The following VASH2 variants were observed in gnomAD, a reference collection of about 807,000 sequenced individuals.
VASH2 encodes the protein vasohibin 2.
A neutral mutation model predicts 37.2 loss-of-function variants in VASH2; 28 were observed. That is an observed-to-expected ratio of 0.75 (90% confidence interval 0.56 to 1.03). VASH2 has a LOEUF of 1.03. Among genes scored for constraint, VASH2 ranks in the 50% least tolerant of loss-of-function variants. The probability of loss-of-function intolerance (pLI) is 0.00; values close to 1 mark genes in which losing one functional copy is unlikely to be tolerated. For synonymous variants in VASH2, 188 were observed against 174.7 expected (o/e 1.08, Z -0.60); for missense variants, 419 against 459.1 (o/e 0.91, Z 0.80).
chr1:212,961,383 G>A, intron 3 of VASH2, 129 bp downstream of exon 3: 1 of 1,539,844 alleles, frequency 6.5e-7, no homozygotes, highest in Admixed American at 1.9e-5. Flanking sequence ...AGGCATGGAG[G>A]GATGTCCCGG....
chr1:212,987,849 C>T (rs1169864384), intron 7 of VASH2, among the ~76,000 whole-genome samples: 1 of 152,162 alleles, frequency 6.6e-6, no homozygotes, highest in Admixed American at 6.5e-5. Flanking sequence ...AGATGATGTG[C>T]TATTGATGTG....
At chr1:212,957,703 C>T (rs150004874) in intron 2 of VASH2, among the ~76,000 whole-genome samples, 7 of 151,294 alleles carry the variant, frequency 4.6e-5, no homozygotes, top group Non-Finnish European at 7.4e-5. Flanking sequence ...CTCCGCCTCT[C>T]AGGTTTAAGC....
chr1:212,987,868 A>G (rs924401827), intron 7 of VASH2, among the ~76,000 whole-genome samples: 7 of 152,198 alleles, frequency 4.6e-5, no homozygotes, highest in African/African-American at 1.7e-4. Context: ...TGAATGTTGT[A>G]TTTCCCAGCT....
chr1:212,966,871 G>A, intron 5 of VASH2: 1 of 359,406 alleles, frequency 2.8e-6, no homozygotes, highest in South Asian at 2.1e-5. Flanking sequence ...GGGATTACAG[G>A]CGCAGGCCAC....
chr1:212,972,964 G>T lies in VASH2; in HGVS notation c.879+3G>T, dbSNP rs1242347731. 12 of 1,608,774 alleles carry T rather than the reference G, an allele frequency of 7.5e-6. No individual in the cohort carries two copies. Among genetic ancestry groups the T allele is most frequent in the Non-Finnish European group, 9.3e-6 (11 of 1,179,904 alleles). Reference sequence around the variant, plus strand: ...ATGCCAGGGACATGAGAATGAAGGTGGGTGCTGGGAAGACAAGGAAGCCAT... The same window carrying T: ...ATGCCAGGGACATGAGAATGAAGGTTGGTGCTGGGAAGACAAGGAAGCCAT... On this transcript the variant is annotated splice_donor_region_variant and intron_variant, in intron 6 of 7. Transcript: ENST00000517399.
intron 2 of VASH2, among the ~76,000 whole-genome samples, chr1:212,952,145 C>A (rs754272371): frequency 1.3e-5 from 2 of 152,184 alleles, no homozygotes; most frequent in Non-Finnish European, 2.9e-5. Flanking sequence ...CTAGAGCCAC[C>A]AGGTACCAGC....
chr1:212,979,677 G>C (rs941835117), intron 7 of VASH2, among the ~76,000 whole-genome samples: 2 of 152,196 alleles, frequency 1.3e-5, no homozygotes, highest in African/African-American at 4.8e-5. Flanking sequence ...CCGAGGGGGA[G>C]GGCAGGTGAA....
At chr1:212,985,227 G>A (rs1197960036) in intron 7 of VASH2, among the ~76,000 whole-genome samples, 27 of 119,178 alleles carry the variant, frequency 2.3e-4, no homozygotes, top group Non-Finnish European at 4.3e-4. Flanking sequence ...TTTTTGTAGA[G>A]ATGGGGTTTC....
At chr1:212,983,294 A>G (rs536259932) in intron 7 of VASH2, among the ~76,000 whole-genome samples, 12 of 152,310 alleles carry the variant, frequency 7.9e-5, no homozygotes, top group Non-Finnish European at 1.6e-4. Context: ...TTTATAATGA[A>G]CAGGAAATGT....
intron 5 of VASH2, chr1:212,968,959 T>G (rs1165111922): frequency 1.4e-5 from 14 of 985,280 alleles, no homozygotes; most frequent in Non-Finnish European, 1.7e-5. Flanking sequence ...TTTTATACAT[T>G]TGCGCATCAT....
At chr1:212,958,192 G>A (rs1390246641) in intron 2 of VASH2, among the ~76,000 whole-genome samples, 3 of 152,146 alleles carry the variant, frequency 2.0e-5, no homozygotes, top group South Asian at 2.1e-4. Flanking sequence ...AGCCCGAGGC[G>A]CTGGTTGGAA....
At chr1:212,974,416 A>T (rs1455466612) in intron 7 of VASH2, among the ~76,000 whole-genome samples, 1 of 152,148 alleles carries the variant, frequency 6.6e-6, no homozygotes, top group Non-Finnish European at 1.5e-5. Context: ...TGTCTTTGTT[A>T]TCTTTCTGGG....
intron 7 of VASH2, among the ~76,000 whole-genome samples, chr1:212,979,807 C>T (rs1667287715): frequency 6.6e-6 from 1 of 152,176 alleles, no homozygotes; most frequent in African/African-American, 2.4e-5. Flanking sequence ...GCACCTACTA[C>T]ACTGAATTGT....
At chr1:212,966,133 G>T (rs1666834188) in intron 4 of VASH2, 138 bp from the exon 5 acceptor site, 2 of 732,150 alleles carry the variant, frequency 2.7e-6, no homozygotes, top group Admixed American at 4.7e-5. Context: ...GTGCCTTCCT[G>T]CAAGGTGACT....
intron 7 of VASH2, among the ~76,000 whole-genome samples, chr1:212,985,323 GACCCAGCGC>G (rs941383485): frequency 1.7e-4 from 25 of 144,704 alleles, no homozygotes; most frequent in African/African-American, 6.4e-4. Context: ...CTATAAGCAT[GACCCAGCGC>G]ACCCAGCCAT....
At chr1:212,952,535 G>A (rs1198547489) in intron 2 of VASH2, 1 of 152,314 alleles carries the variant, frequency 6.6e-6, no homozygotes, top group Admixed American at 6.5e-5. Flanking sequence ...AGAGGATGAG[G>A]AGTGAAACTC....
intron 5 of VASH2, chr1:212,969,082 T>A (rs915781905): frequency 1.0e-6 from 1 of 985,360 alleles, no homozygotes; most frequent in Non-Finnish European, 1.2e-6. Flanking sequence ...GTTCTTATCC[T>A]TCTGACATTT....
chr1:212,965,586 AC>A (rs1301027868), intron 3 of VASH2, 135 bp from the exon 4 acceptor site: 2 of 701,064 alleles, frequency 2.9e-6, no homozygotes, highest in African/African-American at 3.6e-5. Context: ...ACTACTAGCT[AC>A]CTTCTGGGTG....
chr1:212,983,962 A>G (rs1226894087), intron 7 of VASH2, among the ~76,000 whole-genome samples: 1 of 152,238 alleles, frequency 6.6e-6, no homozygotes, highest in Non-Finnish European at 1.5e-5. Context: ...CCTACCTTTC[A>G]GTACCTCCAT....
Sources: allele counts gnomAD v4.1 joint callset (sites outside exome capture counted in the v4.1 genomes callset), GRCh38; gene constraint gnomAD v4.1.1; transcripts MANE v1.5; gene names NCBI Gene and HGNC (gene_info 2026-07-23, HGNC 2026-07-21).